PDK1: variants seen among roughly 807,000 people sequenced by gnomAD.
PDK1 encodes [Pyruvate dehydrogenase (acetyl-transferring)] kinase isozyme 1, mitochondrial.
In PDK1, 39 loss-of-function variants were observed where a neutral mutation model predicts 54.2. The observed-to-expected ratio is 0.72, with a 90% confidence interval of 0.56 to 0.94. The LOEUF is 0.94. Ranked by LOEUF, PDK1 falls within the 40% of genes least tolerant of loss-of-function variation. The probability of loss-of-function intolerance (pLI) is 0.00; values close to 1 mark genes in which losing one functional copy is unlikely to be tolerated. For synonymous variants in PDK1, 221 were observed against 207.1 expected, an observed-to-expected ratio of 1.07 and a Z score of -0.58; for missense variants, 552 against 566.0, an observed-to-expected ratio of 0.98 and a Z score of 0.25.
the PDK1 span, among the ~76,000 whole-genome samples, chr2:172,660,350 G>A: frequency 7.3e-6 from 1 of 137,546 alleles, no homozygotes; most frequent in Non-Finnish European, 1.5e-5. Context: ...TCTGCCTCCT[G>A]GGTTCAAGCA....
At chr2:172,720,340 C>T in the PDK1 span, among the ~76,000 whole-genome samples, 5 of 152,068 alleles carry the variant, frequency 3.3e-5, no homozygotes, top group African/African-American at 9.7e-5. Flanking sequence ...GTCTTGAATT[C>T]CCGACTTCAA....
chr2:172,642,310 T>G, the PDK1 span, among the ~76,000 whole-genome samples: 2 of 152,324 alleles, frequency 1.3e-5, no homozygotes, highest in East Asian at 3.9e-4. Context: ...TAATCTCTTG[T>G]GTGGGTACTT....
At position 172,607,816 on chromosome 2, in the gene PDK1, G is replaced by C. The variant is rs1055569668; in HGVS notation, c.*11847G>C. 2.6e-5 allele frequency: 4 copies of C among 152,300 alleles called. No individual in the cohort carries two copies. Among genetic ancestry groups the C allele is most frequent in the Non-Finnish European group, 5.9e-5 (4 of 68,156 alleles). 9.4% of individuals were successfully genotyped at this position (152,300 alleles called of 1,614,324 possible). A position where few individuals can be genotyped will look rare whatever the true frequency, so the allele number is the denominator to read the frequency against. ...GGAACTTTAGGAGCAGAGTAGTGTT[G>C]ATAACTGGCATCTGGAACCTACAGT... On this transcript the variant is annotated 3_prime_UTR_variant, in exon 11 of 11. Transcript: ENST00000282077.
intron 10 of PDK1, 105 bp downstream of exon 10, chr2:172,593,153 GA>G: frequency 1.8e-6 from 1 of 560,588 alleles, no homozygotes; most frequent in Non-Finnish European, 3.1e-6. Context: ...TGTTTAAATA[GA>G]AAAAAACTAT....
At chr2:172,681,419 G>A in the PDK1 span, among the ~76,000 whole-genome samples, 1 of 152,214 alleles carries the variant, frequency 6.6e-6, no homozygotes, top group African/African-American at 2.4e-5. Context: ...ATTCCCTTGT[G>A]AGACTTGGCA....
intron 9 of PDK1, among the ~76,000 whole-genome samples, chr2:172,591,339 G>A (rs1489150090): frequency 1.3e-5 from 2 of 152,168 alleles, no homozygotes; most frequent in African/African-American, 2.4e-5. Context: ...AACGCCGGGC[G>A]GCATCTCATA....
At chr2:172,620,938 A>T in the PDK1 span, among the ~76,000 whole-genome samples, 5 of 147,950 alleles carry the variant, frequency 3.4e-5, no homozygotes, top group Non-Finnish European at 7.4e-5. Context: ...TAATGCAAGA[A>T]TGGCCTAATA....
At chr2:172,648,680 A>T in the PDK1 span, among the ~76,000 whole-genome samples, 2 of 152,142 alleles carry the variant, frequency 1.3e-5, no homozygotes, top group Non-Finnish European at 2.9e-5. Flanking sequence ...GCACCAGGAG[A>T]TTATATCCCG....
At chr2:172,664,293 G>A in the PDK1 span, among the ~76,000 whole-genome samples, 2 of 80,730 alleles carry the variant, frequency 2.5e-5, no homozygotes, top group Admixed American at 2.3e-4. Context: ...CCTGGACAAC[G>A]AGAGCAAAAC....
At chr2:172,672,394 A>G in the PDK1 span, among the ~76,000 whole-genome samples, 24 of 152,158 alleles carry the variant, frequency 1.6e-4, no homozygotes, top group Non-Finnish European at 4.4e-5. Flanking sequence ...TGTTTATTTC[A>G]CCATTTGTTC....
chr2:172,583,810 T>C (rs1690060052), intron 8 of PDK1, among the ~76,000 whole-genome samples: 1 of 152,258 alleles, frequency 6.6e-6, no homozygotes, highest in East Asian at 1.9e-4. Flanking sequence ...TTCAGCCTAT[T>C]GACTTTTAAT....
chr2:172,576,874 C>T (rs1289479050), intron 8 of PDK1, among the ~76,000 whole-genome samples: 1 of 152,128 alleles, frequency 6.6e-6, no homozygotes, highest in African/African-American at 2.4e-5. Context: ...TACAGCCTAA[C>T]ATAGGGTCTG....
chr2:172,642,846 T>C, the PDK1 span, among the ~76,000 whole-genome samples: 1 of 151,792 alleles, frequency 6.6e-6, no homozygotes, highest in Admixed American at 6.6e-5. Flanking sequence ...CTCTTCCTTC[T>C]CCTTCTCCTC....
the PDK1 span, among the ~76,000 whole-genome samples, chr2:172,629,487 G>A: frequency 1.2e-4 from 18 of 152,038 alleles, no homozygotes; most frequent in Non-Finnish European, 5.9e-5. Context: ...GAGTTCAGCC[G>A]GGGAAGACCG....
the PDK1 span, among the ~76,000 whole-genome samples, chr2:172,668,934 GAGAGAA>G: frequency 5.3e-3 from 661 of 125,850 alleles, 3 homozygotes; most frequent in East Asian, 0.028. Context: ...GAGAGAGAGA[GAGAGAA>G]AGAGAGAGAG....
chr2:172,646,089 G>T, the PDK1 span, among the ~76,000 whole-genome samples: 1 of 152,212 alleles, frequency 6.6e-6, no homozygotes, highest in Non-Finnish European at 1.5e-5. Flanking sequence ...AGTGTGCACT[G>T]CCCCAACTGG....
At chr2:172,609,863 C>G (rs1184941680), downstream of PDK1, among the ~76,000 whole-genome samples, 2 of 152,076 alleles carry the variant, frequency 1.3e-5, no homozygotes, top group African/African-American at 2.4e-5. Context: ...GTCTCTGTTA[C>G]CAGGCTGGAG....
Position 172,556,170 on chromosome 2 carries a change from T to A in PDK1, c.20T>A (p.Leu7His), listed in dbSNP as rs1463860258. MRLARL[L>H]RGAALAGPGP... ...CTCGGCATGAGGCTGGCGCGGCTGC[T>A]TCGCGGAGCCGCCTTGGCCGGCCCG... The change falls in exon 1 of 11, where the codon CTT (leucine) becomes CAT (histidine). Residue 7 changes from leucine (L) to histidine (H), a missense_variant. Physicochemically the swap from Leu to His is moderately conservative, Grantham distance 99. Coordinates refer to ENST00000282077, the MANE Select transcript of PDK1 (RefSeq NM_002610.5). 2 of 1,416,492 alleles carry A rather than the reference T, an allele frequency of 1.4e-6. No homozygotes were observed. The highest frequency in any genetic ancestry group is 6.1e-5 in the East Asian group (2 of 32,652). 87.7% of individuals were successfully genotyped at this position (1,416,492 alleles called of 1,614,324 possible).
At chr2:172,693,842 C>A in the PDK1 span, among the ~76,000 whole-genome samples, 10 of 152,130 alleles carry the variant, frequency 6.6e-5, no homozygotes, top group Non-Finnish European at 2.9e-5. Context: ...TATGCAGGAA[C>A]CTCTAGCCCA....
Sources: allele counts gnomAD v4.1 joint callset (sites outside exome capture counted in the v4.1 genomes callset), GRCh38; gene constraint gnomAD v4.1.1; transcripts MANE v1.5; gene names NCBI Gene and HGNC (gene_info 2026-07-23, HGNC 2026-07-21).